The following AIRIM variants were observed in gnomAD, a reference collection of about 807,000 sequenced individuals.
AIRIM encodes AFG2-interacting ribosome maturation factor.
the AIRIM span, among the ~76,000 whole-genome samples, chr1:37,684,908 T>C: frequency 3.3e-5 from 5 of 151,902 alleles, no homozygotes; most frequent in Non-Finnish European, 5.9e-5. Context: ...CCGGTACTCT[T>C]AGCACTTTGG....
chr1:37,689,948 G>T, the AIRIM span: 2 of 1,481,480 alleles, frequency 1.3e-6, no homozygotes. Context: ...GGGAGGCACT[G>T]GGTCGAGGGT....
chr1:37,682,041 G>C, the AIRIM span: 1 of 152,084 alleles, frequency 6.6e-6, no homozygotes, highest in Non-Finnish European at 1.5e-5. Context: ...AATATAGTGA[G>C]ACCCTATCTA....
the AIRIM span, chr1:37,683,101 T>A: frequency 6.2e-7 from 1 of 1,608,982 alleles, no homozygotes; most frequent in Non-Finnish European, 8.5e-7. Flanking sequence ...GTACCCGTGG[T>A]CTCCAGATAC....
the AIRIM span, among the ~76,000 whole-genome samples, chr1:37,687,472 A>AAC: frequency 6.6e-6 from 1 of 151,434 alleles, no homozygotes; most frequent in Non-Finnish European, 1.5e-5. Context: ...AAAAAAAAAA[A>AAC]CAGGTGCAGT....
chr1:37,689,558 T>C, the AIRIM span: 1 of 1,518,918 alleles, frequency 6.6e-7, no homozygotes. Context: ...ATAAAACACC[T>C]CGTTTTAAAA....
chr1:37,683,897 A>C, the AIRIM span: 1 of 163,084 alleles, frequency 6.1e-6, no homozygotes, highest in South Asian at 1.7e-4. Context: ...GAGCAGTCAG[A>C]AAGGCTGAAA....
At chr1:37,685,317 C>G in the AIRIM span, among the ~76,000 whole-genome samples, 1 of 151,738 alleles carries the variant, frequency 6.6e-6, no homozygotes, top group Non-Finnish European at 1.5e-5. Flanking sequence ...TCAAGCAACC[C>G]TCCCACCTCA....
At chr1:37,683,496 C>A in the AIRIM span, 309 of 1,567,498 alleles carry the variant, frequency 2.0e-4, 2 homozygotes, top group South Asian at 3.0e-3. Flanking sequence ...TGAAAAAAAA[C>A]ACCCTGGTGA....
chr1:37,683,947 C>CCAGA, the AIRIM span: 2 of 159,328 alleles, frequency 1.3e-5, no homozygotes, highest in Non-Finnish European at 2.8e-5. Context: ...CAAGTACCAA[C>CCAGA]GCAGGGCTCT....
chr1:37,685,028 T>TA, the AIRIM span, among the ~76,000 whole-genome samples: 1 of 152,062 alleles, frequency 6.6e-6, no homozygotes, highest in Admixed American at 6.6e-5. Context: ...AGAAAAATGT[T>TA]AGAGCTTCAA....
At chr1:37,684,928 G>A in the AIRIM span, among the ~76,000 whole-genome samples, 1 of 152,030 alleles carries the variant, frequency 6.6e-6, no homozygotes, top group East Asian at 1.9e-4. Context: ...GGAAGCCAAG[G>A]AGGTAGGATC....
the AIRIM span, chr1:37,683,265 C>A: frequency 6.2e-6 from 10 of 1,612,394 alleles, no homozygotes; most frequent in South Asian, 1.1e-5. Context: ...AAGAGGCGAG[C>A]CACAGGGAGA....
At chr1:37,683,308 C>G in the AIRIM span, 4 of 1,613,998 alleles carry the variant, frequency 2.5e-6, no homozygotes, top group South Asian at 4.4e-5. Context: ...AGGAAGAACA[C>G]AAACCAGTAC....
the AIRIM span, among the ~76,000 whole-genome samples, chr1:37,685,008 T>A: frequency 2.6e-4 from 38 of 146,032 alleles, no homozygotes; most frequent in Admixed American, 6.1e-4. Context: ...AAAAAAAAAA[T>A]TTTTTTGAGA....
At chr1:37,688,413 C>A in the AIRIM span, among the ~76,000 whole-genome samples, 2 of 152,096 alleles carry the variant, frequency 1.3e-5, no homozygotes, top group South Asian at 4.1e-4. Context: ...TCTTTTCAAC[C>A]ATTAGGTTTT....
the AIRIM span, chr1:37,689,820 C>G: frequency 6.2e-7 from 1 of 1,606,968 alleles, no homozygotes; most frequent in Non-Finnish European, 8.5e-7. Flanking sequence ...TGCTCCTCCA[C>G]CACGGGGAAG....
the AIRIM span, chr1:37,691,074 T>TCCTCA: frequency 6.6e-6 from 1 of 152,304 alleles, no homozygotes; most frequent in East Asian, 1.9e-4. Context: ...CTGATGGAGA[T>TCCTCA]CCTCAGGCAC....
At chr1:37,683,354 C>T in the AIRIM span, 32 of 1,614,002 alleles carry the variant, frequency 2.0e-5, no homozygotes, top group African/African-American at 1.3e-4. Context: ...TTTTGAAATT[C>T]GGTCCCAGGC....
chr1:37,690,480 G>T, the AIRIM span: 1 of 1,247,946 alleles, frequency 8.0e-7, no homozygotes, highest in East Asian at 5.7e-5. Context: ...CAGCCAAAGC[G>T]TGAGAACCCT....
Sources: gnomAD v4.1 joint callset for allele counts (sites outside exome capture counted in the v4.1 genomes callset) on GRCh38, gnomAD v4.1.1 for gene constraint, MANE v1.5 for transcripts, NCBI Gene and HGNC (gene_info 2026-07-23, HGNC 2026-07-21) for gene names.